CDK5RAP2: variants seen among roughly 807,000 people sequenced by gnomAD.
The protein encoded by CDK5RAP2 is CDK5 regulatory subunit associated protein 2.
Under a neutral mutation model 232.9 loss-of-function variants are expected in CDK5RAP2, and 147 were observed. That is an observed-to-expected ratio of 0.63 (90% CI 0.55 to 0.72). CDK5RAP2 has a LOEUF of 0.72. CDK5RAP2 is among the 30% of genes least tolerant of loss of function. CDK5RAP2 has a pLI of 0.00. For synonymous variants in CDK5RAP2, 833 were observed against 833.7 expected (o/e 1.00, Z 0.01); for missense variants, 2,195 against 2,231.5 (o/e 0.98, Z 0.33).
At chr9:120,571,677 A>G (rs1050545487) in intron 2 of CDK5RAP2, 38 of 395,248 alleles carry the variant, frequency 9.6e-5, no homozygotes, top group Non-Finnish European at 1.8e-4. Context: ...TGCCAATTCA[A>G]TGTCCAGCCT....
At chr9:120,468,428 C>G (rs1486403718) in intron 17 of CDK5RAP2, among the ~76,000 whole-genome samples, 1 of 152,222 alleles carries the variant, frequency 6.6e-6, no homozygotes, top group Non-Finnish European at 1.5e-5. Context: ...GAAACTGTAT[C>G]AGAGTCTTAC....
At chr9:120,558,686 C>T (rs1371699169) in intron 3 of CDK5RAP2, among the ~76,000 whole-genome samples, 2 of 152,164 alleles carry the variant, frequency 1.3e-5, no homozygotes, top group African/African-American at 2.4e-5. Flanking sequence ...CTCTTTCTGA[C>T]GCGTCTGCCA....
intron 2 of CDK5RAP2, among the ~76,000 whole-genome samples, chr9:120,569,997 T>C (rs528597934): frequency 1.3e-5 from 2 of 152,166 alleles, no homozygotes; most frequent in African/African-American, 4.8e-5. Flanking sequence ...GAGAGGAAAG[T>C]ACACCTTAGT....
chr9:120,538,243 T>C (rs989088784), intron 6 of CDK5RAP2, among the ~76,000 whole-genome samples: 1 of 152,160 alleles, frequency 6.6e-6, no homozygotes, highest in African/African-American at 2.4e-5. Flanking sequence ...AACTGCAAAA[T>C]ACAGTGCCTG....
At chr9:120,508,278 G>A (rs909476676) in intron 12 of CDK5RAP2, among the ~76,000 whole-genome samples, 3 of 152,156 alleles carry the variant, frequency 2.0e-5, no homozygotes, top group Non-Finnish European at 1.5e-5. Flanking sequence ...TTCAAGCCAC[G>A]TTTTGTGGAG....
At chr9:120,444,471 C>T (rs559644896) in intron 22 of CDK5RAP2, among the ~76,000 whole-genome samples, 1 of 152,312 alleles carries the variant, frequency 6.6e-6, no homozygotes, top group Admixed American at 6.5e-5. Flanking sequence ...CTCTCCTACC[C>T]CCAGTGCATG....
chr9:120,490,178 T>C (rs879264430), intron 13 of CDK5RAP2, among the ~76,000 whole-genome samples: 22 of 152,214 alleles, frequency 1.4e-4, no homozygotes, highest in Admixed American at 1.4e-3. Flanking sequence ...GGGTTAGAAG[T>C]GCTCAGCAGC....
At chr9:120,397,603 T>C (rs1285294012) in intron 35 of CDK5RAP2, among the ~76,000 whole-genome samples, 3 of 146,032 alleles carry the variant, frequency 2.1e-5, no homozygotes, top group Admixed American at 2.0e-4. Flanking sequence ...ACAGTATCAT[T>C]ATGACACCTT....
chr9:120,548,259 A>G (rs1300656289), intron 4 of CDK5RAP2, among the ~76,000 whole-genome samples: 2 of 152,198 alleles, frequency 1.3e-5, no homozygotes. Flanking sequence ...CAAACAGAGG[A>G]TTCTTTTTCC....
chr9:120,465,595 T>TG (rs1199708358), intron 18 of CDK5RAP2, among the ~76,000 whole-genome samples: 1 of 151,602 alleles, frequency 6.6e-6, no homozygotes, highest in Non-Finnish European at 1.5e-5. Flanking sequence ...TAAAAGTTGT[T>TG]GGGGGGAGGG....
At chr9:120,566,921 A>G (rs754099496) in intron 3 of CDK5RAP2, among the ~76,000 whole-genome samples, 21 of 152,252 alleles carry the variant, frequency 1.4e-4, no homozygotes, top group Admixed American at 9.2e-4. Context: ...CCAAAATTCT[A>G]ATATTCTGTG....
At chr9:120,409,445 C>A in intron 29 of CDK5RAP2, 129 bp from the exon 30 acceptor site, 1 of 749,360 alleles carries the variant, frequency 1.3e-6, no homozygotes. Flanking sequence ...TTTTGGCATT[C>A]CAATTATCTT....
intron 13 of CDK5RAP2, among the ~76,000 whole-genome samples, chr9:120,491,060 G>C (rs1185935291): frequency 6.6e-6 from 1 of 152,234 alleles, no homozygotes; most frequent in Non-Finnish European, 1.5e-5. Flanking sequence ...ACAAGCCAGA[G>C]TGTGAATCCA....
chr9:120,413,816 A>AGGAGAGG (rs1554731778), intron 28 of CDK5RAP2, among the ~76,000 whole-genome samples: 4 of 122,226 alleles, frequency 3.3e-5, no homozygotes, highest in Non-Finnish European at 6.5e-5. Context: ...GCGAGGAGGG[A>AGGAGAGG]GGAGGGAGGA....
intron 36 of CDK5RAP2, among the ~76,000 whole-genome samples, chr9:120,393,090 A>G (rs888432652): frequency 6.6e-6 from 1 of 152,156 alleles, no homozygotes; most frequent in Non-Finnish European, 1.5e-5. Flanking sequence ...GGAGCACACC[A>G]GCAAGTCCAC....
chr9:120,438,019 G>A (rs985384423), intron 24 of CDK5RAP2, among the ~76,000 whole-genome samples: 1 of 152,186 alleles, frequency 6.6e-6, no homozygotes, highest in Non-Finnish European at 1.5e-5. Flanking sequence ...ACTGAATTCA[G>A]TGCTTTATAT....
At chr9:120,409,665 T>TA (rs2033721766) in intron 29 of CDK5RAP2, among the ~76,000 whole-genome samples, 1 of 152,274 alleles carries the variant, frequency 6.6e-6, no homozygotes, top group Non-Finnish European at 1.5e-5. Context: ...GCAGGCCTTC[T>TA]ACCAGCCTAG....
chr9:120,460,881 A>T (rs2037051620), intron 18 of CDK5RAP2: 5 of 720,796 alleles, frequency 6.9e-6, no homozygotes, highest in Non-Finnish European at 1.1e-5. Context: ...TGGATCAAGC[A>T]TAATTTAAGG....
intron 22 of CDK5RAP2, among the ~76,000 whole-genome samples, chr9:120,446,116 C>T (rs575508092): frequency 4.2e-4 from 64 of 152,310 alleles, no homozygotes; most frequent in African/African-American, 1.4e-3. Context: ...TCTATGGTAA[C>T]TACTCAATTC....
Sources: gnomAD v4.1 joint callset for allele counts (sites outside exome capture counted in the v4.1 genomes callset) on GRCh38, gnomAD v4.1.1 for gene constraint, MANE v1.5 for transcripts, NCBI Gene and HGNC (gene_info 2026-07-23, HGNC 2026-07-21) for gene names.